STK32C: variants seen among roughly 807,000 people sequenced by gnomAD.
STK32C encodes serine/threonine-protein kinase 32C.
A neutral mutation model predicts 56.5 loss-of-function variants in STK32C; 31 were observed. That is an observed-to-expected ratio of 0.55 (90% CI 0.41 to 0.74). The LOEUF (loss-of-function observed/expected upper bound fraction) is 0.74. STK32C is among the 30% of genes least tolerant of loss of function. The probability of loss-of-function intolerance (pLI) is 0.00; values close to 1 mark genes in which losing one functional copy is unlikely to be tolerated. For synonymous variants in STK32C, 309 were observed against 289.4 expected, an observed-to-expected ratio of 1.07 and a Z score of -0.69; for missense variants, 544 against 676.9, an observed-to-expected ratio of 0.80 and a Z score of 2.18.
chr10:132,285,547 G>C (rs551866451), intron 1 of STK32C, among the ~76,000 whole-genome samples: 1 of 152,324 alleles, frequency 6.6e-6, no homozygotes, highest in South Asian at 2.1e-4. Flanking sequence ...ATACAGTTAG[G>C]TGACTACATC....
At chr10:132,237,273 G>A (rs1369206652) in intron 2 of STK32C, among the ~76,000 whole-genome samples, 4 of 152,304 alleles carry the variant, frequency 2.6e-5, no homozygotes, top group South Asian at 2.1e-4. Context: ...CCCAAGCCAG[G>A]TGACCTGACC....
At chr10:132,326,543 G>C (rs931573062) in intron 1 of STK32C, among the ~76,000 whole-genome samples, 1 of 152,120 alleles carries the variant, frequency 6.6e-6, no homozygotes, top group African/African-American at 2.4e-5. Flanking sequence ...AGCTAGTCTC[G>C]ATCTCTTGAC....
intron 2 of STK32C, among the ~76,000 whole-genome samples, chr10:132,232,343 G>A (rs1386686314): frequency 6.6e-6 from 1 of 152,230 alleles, no homozygotes; most frequent in African/African-American, 2.4e-5. Flanking sequence ...CTTAGGTGAA[G>A]ACAACAGAGA....
At chr10:132,224,264 C>A (rs1197304281) in intron 8 of STK32C, 143 bp downstream of exon 8, 1 of 666,596 alleles carries the variant, frequency 1.5e-6, no homozygotes, top group South Asian at 1.7e-5. Flanking sequence ...TCTGCGGAGG[C>A]CCCCACAGGT....
intron 2 of STK32C, among the ~76,000 whole-genome samples, chr10:132,232,125 C>G (rs539309105): frequency 6.6e-6 from 1 of 152,242 alleles, no homozygotes; most frequent in Non-Finnish European, 1.5e-5. Flanking sequence ...GCGCCCTCAC[C>G]GGAGCACCTG....
intron 1 of STK32C, among the ~76,000 whole-genome samples, chr10:132,293,183 C>T (rs2065625638): frequency 6.6e-6 from 1 of 152,142 alleles, no homozygotes; most frequent in Non-Finnish European, 1.5e-5. Context: ...GGGGCTGGGG[C>T]AGGACTTAGA....
chr10:132,236,546 A>G (rs1418997078), intron 2 of STK32C, among the ~76,000 whole-genome samples: 1 of 152,214 alleles, frequency 6.6e-6, no homozygotes, highest in Non-Finnish European at 1.5e-5. Context: ...CAGGACAGCC[A>G]GGAAGGCAGC....
chr10:132,240,078 C>T (rs554083007), intron 2 of STK32C, among the ~76,000 whole-genome samples: 197 of 152,194 alleles, frequency 1.3e-3, no homozygotes, highest in Non-Finnish European at 2.3e-3. Flanking sequence ...GAGGCCCCCC[C>T]CAAAGAAGAC....
intron 1 of STK32C, among the ~76,000 whole-genome samples, chr10:132,261,118 C>G (rs913432674): frequency 1.3e-5 from 2 of 152,240 alleles, no homozygotes; most frequent in Admixed American, 1.3e-4. Context: ...GAGCTTAGGC[C>G]TTGGAGACGA....
At chr10:132,263,482 T>C (rs1177864161) in intron 1 of STK32C, among the ~76,000 whole-genome samples, 2 of 152,100 alleles carry the variant, frequency 1.3e-5, no homozygotes, top group Non-Finnish European at 1.5e-5. Flanking sequence ...AACCAGCCAC[T>C]GGGTACTATG....
intron 1 of STK32C, among the ~76,000 whole-genome samples, chr10:132,258,193 C>A (rs1261952868): frequency 6.6e-6 from 1 of 152,240 alleles, no homozygotes; most frequent in Non-Finnish European, 1.5e-5. Context: ...TCTCCTGGAT[C>A]TGCAGTGGAC....
intron 1 of STK32C, among the ~76,000 whole-genome samples, chr10:132,264,423 G>A (rs557639777): frequency 7.0e-4 from 106 of 152,346 alleles, no homozygotes; most frequent in Middle Eastern, 6.8e-3. Context: ...GGGAGTAGGC[G>A]TTAGGTGGGC....
chr10:132,243,929 G>A (rs1254766520), intron 2 of STK32C, among the ~76,000 whole-genome samples: 1 of 152,178 alleles, frequency 6.6e-6, no homozygotes, highest in African/African-American at 2.4e-5. Flanking sequence ...GCTGAGCCTG[G>A]GCCCACCACC....
intron 1 of STK32C, among the ~76,000 whole-genome samples, chr10:132,328,841 C>T (rs1335185973): frequency 6.6e-6 from 1 of 152,252 alleles, no homozygotes; most frequent in Non-Finnish European, 1.5e-5. Context: ...GGCCCAGCCT[C>T]TTGCTGGCTC....
intron 1 of STK32C, among the ~76,000 whole-genome samples, chr10:132,254,943 G>A (rs953862326): frequency 2.6e-5 from 4 of 152,020 alleles, no homozygotes; most frequent in African/African-American, 4.8e-5. Flanking sequence ...AGCTGCAGGC[G>A]TGTCCCAGGC....
rs866156339 is a variant in STK32C, at chr10:132,212,724, G to A, written c.1252-3623C>T. ...GACTCCGACGAAGAAACACAGAGAC[G>A]AGCAAGGACTTCTGGCTTCTGCTCT... is the stretch of plus-strand genomic sequence containing the variant. On this transcript the variant is annotated intron_variant, in intron 10 of 11. Transcript: ENST00000298630. 5.3e-5 allele frequency among the ~76,000 whole-genome samples: 8 copies of A among 152,374 alleles called. No homozygotes were observed. The East Asian group carries it at 5.8e-4, about 11-fold the overall frequency.
At chr10:132,222,822 A>G (rs1410242666) in intron 9 of STK32C, 39 bp downstream of exon 9, 1 of 1,592,806 alleles carries the variant, frequency 6.3e-7, no homozygotes. Flanking sequence ...CGCCACATCC[A>G]TCCCCAGGGC....
At position 132,252,173 on chromosome 10, in the gene STK32C, TCAC is replaced by T. The variant is rs992621705; in HGVS notation, c.263-6221_263-6219del. Among the ~76,000 whole-genome samples the T allele has an allele frequency of 7.2e-5, 11 of 152,280 alleles. No homozygotes were observed. The South Asian group carries it at 8.3e-4, about 11-fold the overall frequency. ...CCTGCTAACCAGCCAAGGTCAGAGG[TCAC>T]CACATGAACCGCTGGCCAGGCCCAT... is the stretch of plus-strand genomic sequence containing the variant. On this transcript the variant is annotated intron_variant, in intron 1 of 11. Coordinates refer to ENST00000298630, the MANE Select transcript of STK32C (RefSeq NM_173575.4).
At chr10:132,279,930 C>T (rs1251043869) in intron 1 of STK32C, among the ~76,000 whole-genome samples, 1 of 145,732 alleles carries the variant, frequency 6.9e-6, no homozygotes, top group Non-Finnish European at 1.5e-5. Context: ...CACGCTGAGG[C>T]CTCCACACCG....
Sources: gnomAD v4.1 joint callset for allele counts (sites outside exome capture counted in the v4.1 genomes callset) on GRCh38, gnomAD v4.1.1 for gene constraint, MANE v1.5 for transcripts, NCBI Gene and HGNC (gene_info 2026-07-23, HGNC 2026-07-21) for gene names.